HS1BP3: variants seen among roughly 807,000 people sequenced by gnomAD.
HS1BP3 encodes the protein HCLS1 binding protein 3.
A neutral mutation model predicts 33.5 loss-of-function variants in HS1BP3; 32 were observed. The ratio of observed to expected loss-of-function variants is 0.95; its 90% CI spans 0.72 to 1.28. The LOEUF is 1.28. Ranked by LOEUF, HS1BP3 falls within the 50% of genes most tolerant of loss-of-function variation. The pLI is 0.00. For missense variants in HS1BP3, 486 were observed against 502.3 expected, an observed-to-expected ratio of 0.97 and a Z score of 0.31; for synonymous variants, 187 against 209.2, an observed-to-expected ratio of 0.89 and a Z score of 0.92.
chr2:20,618,570 T>G lies in HS1BP3; in HGVS notation c.*417A>C. ...TATGCGAACAGAGGCAGAGGAGGGA[T>G]AGAGGCCCAGCCCCAGTTTGGGTCT... On this transcript the variant is annotated 3_prime_UTR_variant, in exon 7 of 7. Coordinates refer to ENST00000304031, the MANE Select transcript of HS1BP3 (RefSeq NM_022460.4). The G allele has an allele frequency of 3.6e-6, 1 of 277,502 alleles. No homozygotes were observed. The highest frequency in any genetic ancestry group is 5.7e-6 in the Non-Finnish European group (1 of 175,308). 17.2% of individuals were successfully genotyped at this position (277,502 alleles called of 1,614,324 possible).
the HS1BP3 span, among the ~76,000 whole-genome samples, chr2:20,554,001 A>G: frequency 1.3e-5 from 2 of 152,226 alleles, no homozygotes; most frequent in Non-Finnish European, 2.9e-5. Context: ...GAACCAGAGT[A>G]TCAGCATTTT....
rs1215495838 is a variant in HS1BP3 at position 20,650,571 on chromosome 2, C to T, written c.32+461G>A. On this transcript the variant is annotated intron_variant, in intron 1 of 6. Coordinates refer to ENST00000304031, the MANE Select transcript of HS1BP3 (RefSeq NM_022460.4). ...TTCCCATGGCAACCTGAGCTTACTA[C>T]CCGCTGCTGGCATCACCCCCTCTCC... Among the ~76,000 whole-genome samples, 3 of 152,362 alleles carry T rather than the reference C, an allele frequency of 2.0e-5. No individual in the cohort carries two copies. The East Asian group carries it at 5.8e-4, about 29-fold the overall frequency.
At chr2:20,571,255 C>G (rs563529421) in intron 5 of HS1BP3, among the ~76,000 whole-genome samples, 8 of 152,184 alleles carry the variant, frequency 5.3e-5, no homozygotes, top group Non-Finnish European at 1.2e-4. Flanking sequence ...TTTCCCCCAG[C>G]CTTGCTCCCT....
intron 2 of HS1BP3, among the ~76,000 whole-genome samples, chr2:20,643,440 C>T (rs990805122): frequency 1.3e-5 from 2 of 152,202 alleles, no homozygotes; most frequent in African/African-American, 2.4e-5. Flanking sequence ...GAGCTCCAAC[C>T]TGGATCAAGT....
At position 20,611,731 on chromosome 2, in the gene HS1BP3, T is replaced by G. The variant is rs1694322505; in HGVS notation, c.178+12165A>C. 6.6e-6 allele frequency among the ~76,000 whole-genome samples: 1 copy of G among 152,162 alleles called. No individual in the cohort carries two copies. Among genetic ancestry groups the G allele is most frequent in the Non-Finnish European group, 1.5e-5 (1 of 68,018 alleles). ...AGGGTCCCTCAATCCCAGGGCCCCT[T>G]TCTGGGTCTCCAGTGGTTTTGTATG... On this transcript the variant is annotated intron_variant, in intron 2 of 3. Coordinates refer to the HS1BP3 transcript ENST00000415264. The surrounding 1 kb of genome is among the most constrained non-coding windows in gnomAD (Gnocchi z 4.9).
chr2:20,639,371 A>G (rs1330234150), intron 3 of HS1BP3, among the ~76,000 whole-genome samples: 1 of 152,254 alleles, frequency 6.6e-6, no homozygotes, highest in African/African-American at 2.4e-5. Flanking sequence ...GTGCTTTTGT[A>G]TTTGTGAAAG....
downstream of HS1BP3, among the ~76,000 whole-genome samples, chr2:20,557,185 C>G (rs1471901800): frequency 2.8e-4 from 42 of 152,224 alleles, no homozygotes; most frequent in Non-Finnish European, 1.5e-5. Flanking sequence ...AATGCAAATT[C>G]TGATGCTAAT....
chr2:20,647,964 T>TTCG (rs1221706892), intron 1 of HS1BP3, among the ~76,000 whole-genome samples: 1 of 152,208 alleles, frequency 6.6e-6, no homozygotes, highest in Admixed American at 6.5e-5. Context: ...CATCCTAGGC[T>TTCG]TCGCTGTCAC....
chr2:20,568,400 C>G (rs953937605), intron 5 of HS1BP3, among the ~76,000 whole-genome samples: 1 of 152,116 alleles, frequency 6.6e-6, no homozygotes, highest in Non-Finnish European at 1.5e-5. Flanking sequence ...TTCCTAGGAG[C>G]TGGAGCCGGG....
Position 20,639,167 on chromosome 2 carries a change from C to T in HS1BP3, c.407-515G>A, listed in dbSNP as rs142237298. Among the ~76,000 whole-genome samples the T allele has an allele frequency of 2.4e-3, 360 of 152,298 alleles. 2 individuals carry two copies. Among genetic ancestry groups the T allele is most frequent in the African/African-American group, 8.3e-3 (345 of 41,578 alleles). On this transcript the variant is annotated intron_variant, in intron 3 of 6. Coordinates refer to ENST00000304031, the MANE Select transcript of HS1BP3 (RefSeq NM_022460.4). ...CCTGGACTGTGGACTGGATGGGTGC[C>T]CAGGGTAAGCATGTGGAAGATTCCA...
chr2:20,638,726 C>T (rs569271078), intron 3 of HS1BP3, 74 bp from the exon 4 acceptor site: 10 of 1,161,308 alleles, frequency 8.6e-6, no homozygotes, highest in African/African-American at 6.1e-5. Context: ...CCACACTGCA[C>T]CCTCCCATGC....
intron 6 of HS1BP3, chr2:20,622,306 CT>C: frequency 7.7e-7 from 1 of 1,304,680 alleles, no homozygotes; most frequent in Middle Eastern, 2.1e-4. Context: ...TGTTACGGCT[CT>C]TTTTGAATTT....
chr2:20,601,260 C>G (rs111858623), intron 2 of HS1BP3, among the ~76,000 whole-genome samples: 9 of 152,170 alleles, frequency 5.9e-5, no homozygotes, highest in Non-Finnish European at 1.3e-4. Context: ...AGTATCTAGA[C>G]TTGCTTTTTA....
chr2:20,618,845 C>A lies in HS1BP3; in HGVS notation c.*142G>T. The A allele has an allele frequency of 7.0e-7, 1 of 1,434,302 alleles. No homozygotes were observed. The highest frequency in any genetic ancestry group is 9.1e-7 in the Non-Finnish European group (1 of 1,097,672). The allele number at this position is 1,434,302 out of a possible 1,614,324, so 88.8% of individuals were successfully genotyped here. On this transcript the variant is annotated 3_prime_UTR_variant, in exon 7 of 7. Transcript: ENST00000304031. ...CAGCCCCGGAGAAAATGGAACCATG[C>A]AGTTCTGGGTGCTGTGACCCAGGCT... is the stretch of plus-strand genomic sequence containing the variant.
At chr2:20,642,257 G>A (rs76512806) in intron 2 of HS1BP3, among the ~76,000 whole-genome samples, 1,658 of 152,302 alleles carry the variant, frequency 0.011, 28 homozygotes, top group African/African-American at 0.038. Flanking sequence ...CCTCGGGCTC[G>A]GGGAGATCCC....
intron 4 of HS1BP3, among the ~76,000 whole-genome samples, chr2:20,627,902 T>C (rs79963536): frequency 0.011 from 1,650 of 152,224 alleles, 27 homozygotes; most frequent in African/African-American, 0.038. Flanking sequence ...GATGAGAGGA[T>C]GCGCGATGGA....
intron 2 of HS1BP3, among the ~76,000 whole-genome samples, chr2:20,602,908 T>C (rs1272408586): frequency 1.3e-5 from 2 of 152,156 alleles, no homozygotes; most frequent in African/African-American, 4.8e-5. Context: ...AATATAAAGA[T>C]GGGCAAAAGA....
At chr2:20,588,903 C>A (rs888699746), downstream of HS1BP3, among the ~76,000 whole-genome samples, 1 of 151,054 alleles carries the variant, frequency 6.6e-6, no homozygotes, top group Non-Finnish European at 1.5e-5. Flanking sequence ...AGCCTGATTT[C>A]CCCGGGGGAG....
chr2:20,619,006 G>T lies in HS1BP3; in HGVS notation c.1160C>A (p.Ala387Asp). The change falls in exon 7 of 7, where the codon GCC (alanine) becomes GAC (aspartate). Residue 387 changes from alanine (A) to aspartate (D), a missense_variant. Transcript: ENST00000304031. ...YIQDHDTPAQ[A>D]APSLF ...GAAGGGTCAGAAGAGGCTGGGGGCG[G>T]CCTGGGCTGGTGTATCGTGGTCCTG... 1 of 1,613,966 alleles carries T rather than the reference G, an allele frequency of 6.2e-7. No homozygotes were observed. The highest frequency in any genetic ancestry group is 8.5e-7 in the Non-Finnish European group (1 of 1,179,940).
Sources: allele counts gnomAD v4.1 joint callset (sites outside exome capture counted in the v4.1 genomes callset), GRCh38; gene constraint gnomAD v4.1.1; non-coding constraint Gnocchi (gnomAD v3.1); transcripts MANE v1.5; gene names NCBI Gene and HGNC (gene_info 2026-07-23, HGNC 2026-07-21).